Variants in ERICH6B observed in about 807,000 individuals in gnomAD.
ERICH6B encodes glutamate-rich protein 6B.
In ERICH6B, 69 loss-of-function variants were observed where a neutral mutation model predicts 80.0. The observed-to-expected ratio is 0.86, with a 90% confidence interval of 0.71 to 1.05. The LOEUF (loss-of-function observed/expected upper bound fraction) is 1.05, where lower values mean the gene tolerates loss of function less well. ERICH6B is among the 50% of genes least tolerant of loss of function. The pLI, the probability that ERICH6B is intolerant of heterozygous loss-of-function variation, is 0.00. For missense variants in ERICH6B, 754 were observed against 796.1 expected, an observed-to-expected ratio of 0.95 and a Z score of 0.64; for synonymous variants, 283 against 291.9, an observed-to-expected ratio of 0.97 and a Z score of 0.31.
chr13:45,577,276 CTTTT>C lies in ERICH6B; in HGVS notation c.962-2350_962-2347del, dbSNP rs34244794. On this transcript the variant is annotated intron_variant, in intron 7 of 14. Coordinates refer to ENST00000298738, the MANE Select transcript of ERICH6B (RefSeq NM_182542.3). The stretch of plus-strand genomic sequence containing the variant: ...TCTCCTGGACTGATTAAAAACAAAT[CTTTT>C]TTTTTTTTTTTTTTTTTTTTTTGAG... 6.0e-3 allele frequency among the ~76,000 whole-genome samples: 513 copies of C among 85,990 alleles called. 7 individuals carry two copies. Among genetic ancestry groups the C allele is most frequent in the African/African-American group, 0.017 (487 of 28,094 alleles). The allele number at this position is 85,990 out of a possible 152,430, so 56.4% of individuals were successfully genotyped here.
At chr13:45,583,506 C>T (rs1875760036) in intron 5 of ERICH6B, among the ~76,000 whole-genome samples, 2 of 152,326 alleles carry the variant, frequency 1.3e-5, no homozygotes, top group African/African-American at 2.4e-5. Context: ...GAAGGAAGCA[C>T]ACCAGTTTGC....
At chr13:45,548,246 TG>T (rs1415669061) in intron 13 of ERICH6B, among the ~76,000 whole-genome samples, 3 of 152,228 alleles carry the variant, frequency 2.0e-5, no homozygotes, top group South Asian at 4.1e-4. Context: ...TGAAATGGCT[TG>T]GCTATAAGTC....
At chr13:45,552,086 C>T (rs557178111) in intron 11 of ERICH6B, among the ~76,000 whole-genome samples, 19 of 152,282 alleles carry the variant, frequency 1.2e-4, no homozygotes, top group South Asian at 4.1e-4. Flanking sequence ...ATTTGACACA[C>T]AAGTTATTTA....
Position 45,574,951 on chromosome 13 carries a change from G to A in ERICH6B, c.962-21C>T, listed in dbSNP as rs370164131. 335 of 1,508,948 alleles carry A rather than the reference G, an allele frequency of 2.2e-4. 6 individuals are homozygous for A. In the South Asian group the frequency reaches 3.0e-3, roughly 14 times the overall value. 93.5% of individuals were successfully genotyped at this position (1,508,948 alleles called of 1,614,324 possible). A position where few individuals can be genotyped will look rare whatever the true frequency, so the allele number is the denominator to read the frequency against. On this transcript the variant is annotated intron_variant, in intron 7 of 14. Coordinates refer to ENST00000298738, the MANE Select transcript of ERICH6B (RefSeq NM_182542.3). ...CAGGACTTTCGATTTTGGAAGGAGC[G>A]TCGAAAGGAAGGGCATGTGGAAAGA...
chr13:45,576,669 G>A (rs566618129), intron 7 of ERICH6B, among the ~76,000 whole-genome samples: 27 of 152,254 alleles, frequency 1.8e-4, no homozygotes, highest in Non-Finnish European at 3.1e-4. Flanking sequence ...TGTGGCCCTG[G>A]TAACTCAGCA....
At chr13:45,613,228 G>T (rs1166772243) in intron 1 of ERICH6B, among the ~76,000 whole-genome samples, 1 of 152,094 alleles carries the variant, frequency 6.6e-6, no homozygotes, top group Non-Finnish European at 1.5e-5. Flanking sequence ...GGAACTGGTG[G>T]GTTGTGGACC....
At chr13:45,567,586 C>T (rs1874971728) in intron 9 of ERICH6B, among the ~76,000 whole-genome samples, 1 of 152,224 alleles carries the variant, frequency 6.6e-6, no homozygotes, top group African/African-American at 2.4e-5. Context: ...TAAGATGTGC[C>T]TTTCACCTTC....
intron 4 of ERICH6B, among the ~76,000 whole-genome samples, chr13:45,590,070 T>G (rs1186395425): frequency 6.6e-6 from 1 of 152,022 alleles, no homozygotes; most frequent in Non-Finnish European, 1.5e-5. Flanking sequence ...AAATTATCCT[T>G]TGGGGAGAAA....
chr13:45,608,308 T>C (rs1949881203), intron 1 of ERICH6B, among the ~76,000 whole-genome samples: 1 of 152,210 alleles, frequency 6.6e-6, no homozygotes, highest in African/African-American at 2.4e-5. Context: ...TCCTGCCTTA[T>C]TGGAGATGGC....
chr13:45,600,597 C>T (rs1016987133), intron 2 of ERICH6B, among the ~76,000 whole-genome samples: 3 of 152,150 alleles, frequency 2.0e-5, no homozygotes, highest in East Asian at 1.9e-4. Flanking sequence ...AGTGAGAGTA[C>T]GTGGTATTTG....
chr13:45,573,660 G>A (rs1875266035), intron 8 of ERICH6B, among the ~76,000 whole-genome samples: 1 of 152,134 alleles, frequency 6.6e-6, no homozygotes, highest in Non-Finnish European at 1.5e-5. Context: ...GAGCTCCCCT[G>A]CTCAGCCCAC....
chr13:45,564,175 C>A (rs2137979643), intron 9 of ERICH6B, among the ~76,000 whole-genome samples: 2 of 152,294 alleles, frequency 1.3e-5, no homozygotes, highest in Middle Eastern at 3.4e-3. Context: ...CCAGTGAAAC[C>A]CAGAACCACC....
rs376443335 is a variant in ERICH6B, at chr13:45,561,502, C to T, written c.1274G>A (p.Ser425Asn). The T allele has an allele frequency of 6.4e-7, 1 of 1,551,622 alleles. No homozygotes were observed. The highest frequency in any genetic ancestry group is 8.7e-7 in the Non-Finnish European group (1 of 1,147,032). Reference protein sequence around the residue: ...REAQKLTEMTSFTFHLMSKPT... With the variant: ...REAQKLTEMTNFTFHLMSKPT... ...TTTGCTCATTAAATGAAATGTGAAACTGGTCATCTCTGTTAACTTTTGAGC... is the reference window on the plus strand; with the variant it reads ...TTTGCTCATTAAATGAAATGTGAAATTGGTCATCTCTGTTAACTTTTGAGC... The change falls in exon 11 of 15, where the codon AGT (serine) becomes AAT (asparagine). Residue 425 changes from serine to asparagine, a missense_variant. Transcript: ENST00000298738.
chr13:45,596,354 C>T lies in ERICH6B; in HGVS notation c.637+15G>A. 6.5e-7 allele frequency: 1 copy of T among 1,542,954 alleles called. No homozygotes were observed. The highest frequency in any genetic ancestry group is 1.2e-5 in the South Asian group (1 of 82,370). On this transcript the variant is annotated intron_variant, in intron 3 of 14. Transcript: ENST00000298738. ...TTTTCCTCCCATAGATGCTCTCCCTCCTCCAGATACTCACCTTTCAGATAC... is the reference window on the plus strand; with the variant it reads ...TTTTCCTCCCATAGATGCTCTCCCTTCTCCAGATACTCACCTTTCAGATAC...
intron 3 of ERICH6B, among the ~76,000 whole-genome samples, chr13:45,591,017 G>A (rs914287490): frequency 6.6e-5 from 10 of 152,334 alleles, no homozygotes; most frequent in Admixed American, 2.6e-4. Flanking sequence ...AGGTGACTGA[G>A]GTGCAGGGGA....
At chr13:45,606,716 T>C (rs1186982106) in intron 2 of ERICH6B, among the ~76,000 whole-genome samples, 1 of 150,544 alleles carries the variant, frequency 6.6e-6, no homozygotes, top group Non-Finnish European at 1.5e-5. Context: ...ACCATGCGTG[T>C]CTAATTTTTG....
At chr13:45,595,012 G>A (rs3014938) in intron 3 of ERICH6B, among the ~76,000 whole-genome samples, 68,843 of 151,956 alleles carry the variant, frequency 0.45, 16,156 homozygotes, top group Non-Finnish European at 0.51. Context: ...ACATGAGGAA[G>A]TACTGCCAGT....
At chr13:45,599,527 C>T (rs1001937984) in intron 2 of ERICH6B, among the ~76,000 whole-genome samples, 1 of 151,626 alleles carries the variant, frequency 6.6e-6, no homozygotes, top group African/African-American at 2.4e-5. Flanking sequence ...AGAAACAGAG[C>T]AAACAAAAAA....
chr13:45,610,641 C>G (rs1203453556), intron 1 of ERICH6B, among the ~76,000 whole-genome samples: 1 of 152,154 alleles, frequency 6.6e-6, no homozygotes, highest in African/African-American at 2.4e-5. Flanking sequence ...ATGGTGTAGC[C>G]TATTGCTTCT....
Sources: allele counts gnomAD v4.1 joint callset (sites outside exome capture counted in the v4.1 genomes callset), GRCh38; gene constraint gnomAD v4.1.1; transcripts MANE v1.5; gene names NCBI Gene and HGNC (gene_info 2026-07-23, HGNC 2026-07-21).